Variants in CHD1L observed in about 807,000 individuals in gnomAD.
The protein encoded by CHD1L is chromodomain helicase DNA binding protein 1 like.
In CHD1L, 118 loss-of-function variants were observed where a neutral mutation model predicts 115.9. The ratio of observed to expected loss-of-function variants is 1.02; its 90% CI spans 0.88 to 1.19. CHD1L has a LOEUF of 1.19. CHD1L is among the 50% of genes most tolerant of loss of function. CHD1L has a pLI of 0.00. For missense variants in CHD1L, 1,179 were observed against 1,065.3 expected (o/e 1.11, Z -1.49); for synonymous variants, 411 against 387.1 (o/e 1.06, Z -0.72).
upstream of CHD1L, chr1:147,242,639 G>A (rs1330392104): frequency 1.8e-5 from 22 of 1,247,406 alleles, no homozygotes; most frequent in East Asian, 2.4e-4. Context: ...GCGCGCCCCC[G>A]CGCGTTGGGA....
At chr1:147,260,031 T>C (rs1386843098) in intron 6 of CHD1L, 113 bp downstream of exon 6, 1 of 783,938 alleles carries the variant, frequency 1.3e-6, no homozygotes, top group Non-Finnish European at 2.0e-6. Flanking sequence ...TACAGATGTT[T>C]CCCATGCATA....
the CHD1L span, among the ~76,000 whole-genome samples, chr1:147,191,014 C>T: frequency 5.3e-5 from 8 of 152,084 alleles, no homozygotes; most frequent in African/African-American, 1.9e-4. Flanking sequence ...GACATGAACT[C>T]TTCATTTTTT....
chr1:147,256,043 T>G, intron 4 of CHD1L, 116 bp downstream of exon 4: 2 of 577,700 alleles, frequency 3.5e-6, no homozygotes, highest in Non-Finnish European at 5.9e-6. Context: ...GGGCAGGGAG[T>G]CTACCTTCAT....
chr1:147,294,769 T>C (rs113989977), intron 22 of CHD1L, among the ~76,000 whole-genome samples: 15 of 152,294 alleles, frequency 9.8e-5, no homozygotes, highest in African/African-American at 3.4e-4. Flanking sequence ...AAGGGGAGAA[T>C]TAATTGAGCA....
the CHD1L span, among the ~76,000 whole-genome samples, chr1:147,198,025 A>G: frequency 6.6e-6 from 1 of 152,184 alleles, no homozygotes; most frequent in Non-Finnish European, 1.5e-5. Flanking sequence ...GTCTGCTGTC[A>G]GCCTAAAGCA....
intron 8 of CHD1L, 79 bp downstream of exon 8, chr1:147,266,166 C>T: frequency 7.6e-7 from 1 of 1,308,866 alleles, no homozygotes. Flanking sequence ...TAATCACACT[C>T]ATTTGTATGA....
intron 14 of CHD1L, among the ~76,000 whole-genome samples, chr1:147,277,101 G>T (rs953896162): frequency 6.6e-6 from 1 of 152,160 alleles, no homozygotes; most frequent in African/African-American, 2.4e-5. Context: ...CCCCTATGAT[G>T]AGGAGAGAAG....
rs189499883 is a variant in CHD1L at position 147,282,085 on chromosome 1, C to T, written c.1705+1894C>T. Among the ~76,000 whole-genome samples the T allele has an allele frequency of 2.7e-4, 41 of 152,290 alleles. No homozygotes were observed. The East Asian group carries it at 7.5e-3, about 28-fold the overall frequency. ...TTGTTCTCATCGATAGTTTCCCCAA[C>T]CGTCTGGTATTCCCTGGCTGTCTGA... is the stretch of plus-strand genomic sequence containing the variant. On this transcript the variant is annotated intron_variant, in intron 15 of 22. Coordinates refer to ENST00000369258, the MANE Select transcript of CHD1L (RefSeq NM_004284.6).
intron 1 of CHD1L, among the ~76,000 whole-genome samples, chr1:147,248,685 A>G (rs971304949): frequency 5.9e-5 from 9 of 152,044 alleles, no homozygotes; most frequent in Non-Finnish European, 1.3e-4. Context: ...GTTTATTTAC[A>G]GTGTTTTTTA....
intron 19 of CHD1L, among the ~76,000 whole-genome samples, chr1:147,288,706 G>A (rs1553968127): frequency 6.6e-6 from 1 of 152,028 alleles, no homozygotes; most frequent in African/African-American, 2.4e-5. Context: ...GAGAGAAATT[G>A]GACATACCAT....
the CHD1L span, chr1:147,212,261 G>C: frequency 1.1e-6 from 1 of 879,948 alleles, no homozygotes; most frequent in South Asian, 1.7e-5. Context: ...ATGAAACGAA[G>C]CCCTATATTT....
intron 19 of CHD1L, 90 bp downstream of exon 19, chr1:147,287,823 A>G: frequency 3.8e-6 from 4 of 1,045,978 alleles, no homozygotes; most frequent in Non-Finnish European, 4.2e-6. Context: ...ACAGCACTAG[A>G]TAAGGAATTA....
At chr1:147,209,457 G>A in the CHD1L span, among the ~76,000 whole-genome samples, 2 of 106,214 alleles carry the variant, frequency 1.9e-5, no homozygotes, top group Non-Finnish European at 4.1e-5. Flanking sequence ...AAAAAAAAGA[G>A]TTCAAACTCA....
the CHD1L span, among the ~76,000 whole-genome samples, chr1:147,177,430 T>G: frequency 1.3e-5 from 2 of 152,196 alleles, no homozygotes; most frequent in African/African-American, 4.8e-5. Context: ...AAAAAATTTA[T>G]GTACTCTACC....
chr1:147,203,355 AC>A, the CHD1L span: 1 of 1,335,448 alleles, frequency 7.5e-7, no homozygotes, highest in Non-Finnish European at 1.1e-6. Context: ...TGATTACCTG[AC>A]CCACTCTAAG....
Position 147,286,614 on chromosome 1 carries a change from C to CA in CHD1L, c.2221+120dup. On this transcript the variant is annotated intron_variant, in intron 18 of 22. Transcript: ENST00000369258. ...TGGTCCCAGTGTAGTATTGTACAGTCAAAAAAGTGTGAATTTTAGAGTCAG... is the reference window on the plus strand; with the variant it reads ...TGGTCCCAGTGTAGTATTGTACAGTCAAAAAAAGTGTGAATTTTAGAGTCAG... The CA allele has an allele frequency of 4.7e-6, 4 of 848,414 alleles. No individual in the cohort carries two copies. In the South Asian group the frequency reaches 6.8e-5, roughly 14 times the overall value. 52.6% of individuals were successfully genotyped at this position (848,414 alleles called of 1,614,324 possible). A position where few individuals can be genotyped will look rare whatever the true frequency, so the allele number is the denominator to read the frequency against.
intron 12 of CHD1L, among the ~76,000 whole-genome samples, chr1:147,274,556 G>A (rs1677572060): frequency 1.3e-5 from 2 of 152,276 alleles, no homozygotes; most frequent in South Asian, 4.2e-4. Context: ...TGGCAAGAGG[G>A]AGTCTGTTTT....
chr1:147,247,395 A>ACTT (rs1479789356), intron 1 of CHD1L, among the ~76,000 whole-genome samples: 3 of 152,040 alleles, frequency 2.0e-5, no homozygotes, highest in Non-Finnish European at 4.4e-5. Flanking sequence ...AGAGTGACTG[A>ACTT]CTTCTTACTT....
chr1:147,241,427 C>G (rs1025095447), upstream of CHD1L, among the ~76,000 whole-genome samples: 1 of 152,140 alleles, frequency 6.6e-6, no homozygotes, highest in Non-Finnish European at 1.5e-5. Flanking sequence ...AGAACAAACC[C>G]CCTTTGACTG....
Sources: allele counts gnomAD v4.1 joint callset (sites outside exome capture counted in the v4.1 genomes callset), GRCh38; gene constraint gnomAD v4.1.1; transcripts MANE v1.5; gene names NCBI Gene and HGNC (gene_info 2026-07-23, HGNC 2026-07-21).